UST: variants seen among roughly 807,000 people sequenced by gnomAD.
UST encodes uronyl 2-sulfotransferase, also known as chondroitin sulfate 2-O-sulfotransferase.
Under a neutral mutation model 45.6 loss-of-function variants are expected in UST, and 21 were observed. The observed-to-expected ratio is 0.46, with a 90% confidence interval of 0.33 to 0.66. The LOEUF is 0.66. Ranked by LOEUF, UST falls within the 30% of genes least tolerant of loss-of-function variation. UST has a pLI of 0.02. For missense variants in UST, 463 were observed against 512.4 expected, an observed-to-expected ratio of 0.90 and a Z score of 0.93; for synonymous variants, 215 against 200.6, an observed-to-expected ratio of 1.07 and a Z score of -0.61.
intron 5 of UST, among the ~76,000 whole-genome samples, chr6:148,970,423 A>G (rs1308818649): frequency 1.3e-5 from 2 of 152,188 alleles, no homozygotes; most frequent in Admixed American, 1.3e-4. Flanking sequence ...CTTATGAACC[A>G]GGATGGCGAT....
Position 149,027,258 on chromosome 6 carries a change from A to T in UST, c.937+5777A>T, listed in dbSNP as rs560844884. Among the ~76,000 whole-genome samples the T allele has an allele frequency of 7.2e-5, 11 of 152,356 alleles. No homozygotes were observed. In the South Asian group the frequency reaches 2.3e-3, roughly 32 times the overall value. On this transcript the variant is annotated intron_variant, in intron 7 of 7. Transcript: ENST00000367463. ...GAAATAATTCAAATTTTAATCCATC[A>T]ATAAAAATATCAGCCTGAGTTCTAT...
chr6:149,006,038 C>T (rs1308344413), intron 5 of UST, among the ~76,000 whole-genome samples: 1 of 152,232 alleles, frequency 6.6e-6, no homozygotes, highest in Non-Finnish European at 1.5e-5. Flanking sequence ...CCACCACCTG[C>T]AGTCCACTCA....
In UST at chr6:148,898,932, A is replaced by G. The variant is rs1050661213; in HGVS notation, c.291+11903A>G. Among the ~76,000 whole-genome samples the G allele has an allele frequency of 2.0e-5, 3 of 152,162 alleles. No homozygotes were observed. The South Asian group carries it at 6.2e-4, about 31-fold the overall frequency. On this transcript the variant is annotated intron_variant, in intron 2 of 7. Coordinates refer to ENST00000367463, the MANE Select transcript of UST (RefSeq NM_005715.3). ...GAAGCATGAAATTTTAAAATGGCACATTGTTGTTGGAAAGCATATTTAATC... is the reference window on the plus strand; with the variant it reads ...GAAGCATGAAATTTTAAAATGGCACGTTGTTGTTGGAAAGCATATTTAATC...
chr6:149,060,026 G>T (rs570427617), intron 7 of UST, among the ~76,000 whole-genome samples: 18 of 152,198 alleles, frequency 1.2e-4, no homozygotes, highest in Admixed American at 1.0e-3. Context: ...TGTGTTCCCT[G>T]CTTCCAAAAA....
At chr6:149,055,999 T>A (rs993304407) in intron 7 of UST, among the ~76,000 whole-genome samples, 12 of 151,878 alleles carry the variant, frequency 7.9e-5, no homozygotes, top group Admixed American at 2.0e-4. Flanking sequence ...AAAATTAAAA[T>A]GTTTTAATTT....
At chr6:148,979,138 G>C (rs2500519) in intron 5 of UST, among the ~76,000 whole-genome samples, 111,749 of 152,024 alleles carry the variant, frequency 0.74, 41,129 homozygotes, top group South Asian at 0.8. Context: ...TGGCTTCATT[G>C]TCAACCACCT....
intron 1 of UST, among the ~76,000 whole-genome samples, chr6:148,830,785 G>A (rs942435993): frequency 6.6e-6 from 1 of 152,056 alleles, no homozygotes; most frequent in Non-Finnish European, 1.5e-5. Flanking sequence ...ATAAAATGGT[G>A]GTTGCCAGAG....
intron 2 of UST, among the ~76,000 whole-genome samples, chr6:148,913,871 C>G (rs920843386): frequency 1.3e-5 from 2 of 152,048 alleles, no homozygotes; most frequent in Non-Finnish European, 2.9e-5. Flanking sequence ...TTACAAAGCC[C>G]TATATACATT....
At chr6:148,808,429 G>A (rs60435183) in intron 1 of UST, among the ~76,000 whole-genome samples, 1 of 151,806 alleles carries the variant, frequency 6.6e-6, no homozygotes, top group African/African-American at 2.4e-5. Flanking sequence ...TGCTTGTGAG[G>A]GGGGTGGGCT....
chr6:149,061,623 T>C (rs1038414708), intron 7 of UST, among the ~76,000 whole-genome samples: 4 of 152,242 alleles, frequency 2.6e-5, no homozygotes, highest in African/African-American at 9.6e-5. Flanking sequence ...CACTGACATA[T>C]GCATTTCATG....
At chr6:148,887,069 T>C (rs1165430605) in intron 2 of UST, 40 bp downstream of exon 2, 1 of 1,539,320 alleles carries the variant, frequency 6.5e-7, no homozygotes, top group Non-Finnish European at 9.0e-7. Flanking sequence ...CTTTTTCTTT[T>C]ATCTTACTTA....
At position 149,010,011 on chromosome 6, in the gene UST, G is replaced by GT. The variant is rs201641822; in HGVS notation, c.682-9121dup. Among the ~76,000 whole-genome samples, 297 of 147,930 alleles carry GT rather than the reference G, an allele frequency of 2.0e-3. 1 individual carries two copies. Among genetic ancestry groups the GT allele is most frequent in the African/African-American group, 6.7e-3 (269 of 40,012 alleles). ...CTTCCCATCTATCTTTAAAATATAA[G>GT]TTTTTTTAAAAAAAAAACTAGGGTT... On this transcript the variant is annotated intron_variant, in intron 5 of 7. Transcript: ENST00000367463.
intron 1 of UST, among the ~76,000 whole-genome samples, chr6:148,796,634 AAAAAAAAAAAAAAG>A (rs1001138675): frequency 1.0e-5 from 1 of 97,512 alleles, no homozygotes; most frequent in African/African-American, 2.9e-5. Context: ...AAAAAAAAAA[AAAAAAAAAAAAAAG>A]AGCTGGAAGG....
Position 148,879,356 on chromosome 6 carries a change from G to A in UST, c.248-7630G>A, listed in dbSNP as rs1334803868. Among the ~76,000 whole-genome samples the A allele has an allele frequency of 3.9e-5, 6 of 152,350 alleles. No homozygotes were observed. The East Asian group carries it at 1.2e-3, about 29-fold the overall frequency. On this transcript the variant is annotated intron_variant, in intron 1 of 7. Coordinates refer to ENST00000367463, the MANE Select transcript of UST (RefSeq NM_005715.3). Reference sequence around the variant, plus strand: ...GATGGAAGTGGCCTGAGATGAAGATGAGCCTCGGTAAAATCTGTTATGTTT... The same window carrying A: ...GATGGAAGTGGCCTGAGATGAAGATAAGCCTCGGTAAAATCTGTTATGTTT...
intron 7 of UST, among the ~76,000 whole-genome samples, chr6:149,045,299 A>G (rs1280857703): frequency 2.0e-5 from 3 of 152,148 alleles, no homozygotes; most frequent in Admixed American, 2.0e-4. Context: ...TTTTTCCATG[A>G]GTTCACCTTC....
At chr6:149,037,945 G>T (rs548405136) in intron 7 of UST, among the ~76,000 whole-genome samples, 17 of 152,268 alleles carry the variant, frequency 1.1e-4, no homozygotes, top group African/African-American at 3.9e-4. Context: ...GGCATCTGGG[G>T]CCTCCGAGGC....
chr6:148,920,474 T>C (rs1779680754), intron 2 of UST, among the ~76,000 whole-genome samples: 1 of 152,142 alleles, frequency 6.6e-6, no homozygotes, highest in Non-Finnish European at 1.5e-5. Context: ...AGCAAAGTTC[T>C]TCCCTCCCTT....
At chr6:148,856,992 ATTAC>A (rs1778217784) in intron 1 of UST, among the ~76,000 whole-genome samples, 2 of 149,040 alleles carry the variant, frequency 1.3e-5, no homozygotes, top group African/African-American at 2.4e-5. Context: ...TATTACATAT[ATTAC>A]TTATATATAC....
chr6:148,747,778 G>C, intron 1 of UST, 101 bp downstream of exon 1: 1 of 1,394,628 alleles, frequency 7.2e-7, no homozygotes, highest in Non-Finnish European at 9.3e-7. Context: ...ACCGCGCGCC[G>C]CCGCCGCCCC....
Sources: allele counts gnomAD v4.1 joint callset (sites outside exome capture counted in the v4.1 genomes callset), GRCh38; gene constraint gnomAD v4.1.1; transcripts MANE v1.5; gene names NCBI Gene and HGNC (gene_info 2026-07-23, HGNC 2026-07-21).